The following TMEM184B variants were observed in gnomAD, a reference collection of about 807,000 sequenced individuals.
TMEM184B encodes the protein transmembrane protein 184B.
TMEM184B carries 17 observed loss-of-function variants against 41.8 expected under a neutral mutation model. The observed-to-expected ratio is 0.41, with a 90% CI of 0.28 to 0.61. The LOEUF is 0.61. Ranked by LOEUF, TMEM184B falls within the 20% of genes least tolerant of loss-of-function variation. TMEM184B has a pLI of 0.34. For synonymous variants in TMEM184B, 240 were observed against 229.5 expected (o/e 1.05, Z -0.41); for missense variants, 393 against 557.8 (o/e 0.70, Z 2.98).
At chr22:38,255,579 A>C (rs569947810) in intron 1 of TMEM184B, among the ~76,000 whole-genome samples, 1 of 152,362 alleles carries the variant, frequency 6.6e-6, no homozygotes, top group South Asian at 2.1e-4. Context: ...AAGCCTGTAC[A>C]CAAATGTTCA....
chr22:38,235,991 G>A (rs2091764175), intron 3 of TMEM184B, among the ~76,000 whole-genome samples: 3 of 152,206 alleles, frequency 2.0e-5, no homozygotes, highest in South Asian at 4.1e-4. Flanking sequence ...TACCACAGCT[G>A]GTGTGCCAGG....
At chr22:38,269,870 C>T (rs1416259413) in intron 1 of TMEM184B, among the ~76,000 whole-genome samples, 7 of 152,086 alleles carry the variant, frequency 4.6e-5, no homozygotes, top group South Asian at 2.1e-4. Context: ...GGTCTAAAAG[C>T]GATGCCAGGG....
chr22:38,247,611 A>G (rs564639955), intron 2 of TMEM184B, among the ~76,000 whole-genome samples, 159 bp downstream of exon 2: 9 of 152,316 alleles, frequency 5.9e-5, no homozygotes, highest in African/African-American at 1.9e-4. Flanking sequence ...AAAAACAAAC[A>G]AACAAACAAG....
At chr22:38,259,302 T>C (rs951485798) in intron 1 of TMEM184B, among the ~76,000 whole-genome samples, 2 of 152,112 alleles carry the variant, frequency 1.3e-5, no homozygotes, top group Non-Finnish European at 2.9e-5. Context: ...TGAAGAATAA[T>C]CCCCCAAAGA....
intron 5 of TMEM184B, among the ~76,000 whole-genome samples, chr22:38,230,422 G>A (rs1051772085): frequency 3.9e-5 from 6 of 152,204 alleles, no homozygotes; most frequent in African/African-American, 9.7e-5. Context: ...TTGGTCACAC[G>A]AGCAAGAGTC....
At chr22:38,218,551 T>G (rs1404906590), downstream of TMEM184B, among the ~76,000 whole-genome samples, 2 of 151,262 alleles carry the variant, frequency 1.3e-5, no homozygotes, top group African/African-American at 2.4e-5. Context: ...GCCCGCGGGG[T>G]AAGGGACCAG....
At chr22:38,246,611 C>T (rs536090704) in intron 2 of TMEM184B, 25 of 309,766 alleles carry the variant, frequency 8.1e-5, no homozygotes, top group African/African-American at 5.0e-4. Context: ...CGGGTGGACA[C>T]ACTTCCTGGC....
chr22:38,272,402 A>C (rs1602521861), intron 1 of TMEM184B: 1 of 876,572 alleles, frequency 1.1e-6, no homozygotes, highest in Non-Finnish European at 1.4e-6. Context: ...GCGGGCGTGT[A>C]CACCCTCCAC....
intron 1 of TMEM184B, among the ~76,000 whole-genome samples, chr22:38,262,239 A>C (rs760376987): frequency 2.0e-5 from 3 of 152,208 alleles, no homozygotes; most frequent in African/African-American, 4.8e-5. Context: ...GTGAGTGGTG[A>C]CTACCGGCGA....
At chr22:38,231,196 G>A in intron 4 of TMEM184B, 48 bp downstream of exon 4, 1 of 1,532,258 alleles carries the variant, frequency 6.5e-7, no homozygotes, top group Non-Finnish European at 9.0e-7. Context: ...GGTACACCAG[G>A]CCCAGGAAAC....
At position 38,221,190 on chromosome 22, in the gene TMEM184B, G is replaced by C; in HGVS notation, c.*279C>G. 7.7e-7 allele frequency: 1 copy of C among 1,295,400 alleles called. No homozygotes were observed. The highest frequency in any genetic ancestry group is 9.8e-7 in the Non-Finnish European group (1 of 1,020,514). 80.2% of individuals were successfully genotyped at this position (1,295,400 alleles called of 1,614,324 possible). On this transcript the variant is annotated 3_prime_UTR_variant, in exon 9 of 9. Transcript: ENST00000361906. ...TGCGGCTGGTCCCAGCATGCCCCCAGCACAGGACGGGCAGCAGGGGCATAA... is the reference window on the plus strand; with the variant it reads ...TGCGGCTGGTCCCAGCATGCCCCCACCACAGGACGGGCAGCAGGGGCATAA...
At chr22:38,257,532 C>T (rs765046773) in intron 1 of TMEM184B, among the ~76,000 whole-genome samples, 13 of 152,178 alleles carry the variant, frequency 8.5e-5, no homozygotes, top group East Asian at 1.9e-4. Flanking sequence ...TGAAGCCAGC[C>T]AGACCTTCCA....
chr22:38,257,538 T>C (rs1489434758), intron 1 of TMEM184B, among the ~76,000 whole-genome samples: 1 of 152,148 alleles, frequency 6.6e-6, no homozygotes, highest in Non-Finnish European at 1.5e-5. Flanking sequence ...CAGCCAGACC[T>C]TCCAAACTCT....
At chr22:38,240,932 G>A (rs1358773704) in intron 3 of TMEM184B, among the ~76,000 whole-genome samples, 1 of 152,116 alleles carries the variant, frequency 6.6e-6, no homozygotes, top group Non-Finnish European at 1.5e-5. Context: ...ATATACTAAA[G>A]ATATTTTCAG....
At chr22:38,257,116 G>T (rs949192630) in intron 1 of TMEM184B, among the ~76,000 whole-genome samples, 15 of 150,814 alleles carry the variant, frequency 9.9e-5, no homozygotes, top group African/African-American at 3.7e-4. Context: ...CAAGTAGCTG[G>T]TATTACTGGC....
rs1237675490 is a variant in TMEM184B at position 38,248,027 on chromosome 22, G to A, written c.-58-8C>T. 2.7e-6 allele frequency: 4 copies of A among 1,486,702 alleles called. No homozygotes were observed. The highest frequency in any genetic ancestry group is 2.7e-6 in the Non-Finnish European group (3 of 1,121,454). 92.1% of individuals were successfully genotyped at this position (1,486,702 alleles called of 1,614,324 possible). A position where few individuals can be genotyped will look rare whatever the true frequency, so the allele number is the denominator to read the frequency against. On this transcript the variant is annotated splice_polypyrimidine_tract_variant and splice_region_variant and intron_variant, in intron 1 of 8. Coordinates refer to ENST00000361906, the MANE Select transcript of TMEM184B (RefSeq NM_012264.5). ...AGAAAGTGACAAGCTAGCCTAGAGA[G>A]AAGAAATTGCAATGTGAGTCTCCTC...
chr22:38,257,936 C>T (rs2092309500), intron 1 of TMEM184B, among the ~76,000 whole-genome samples: 1 of 152,186 alleles, frequency 6.6e-6, no homozygotes, highest in African/African-American at 2.4e-5. Context: ...CTCTGCCTCT[C>T]TGTCCTTCCC....
At position 38,221,058 on chromosome 22, in the gene TMEM184B, G is replaced by T. The variant is rs1386726549; in HGVS notation, c.*411C>A. On this transcript the variant is annotated 3_prime_UTR_variant, in exon 9 of 9. Coordinates refer to ENST00000361906, the MANE Select transcript of TMEM184B (RefSeq NM_012264.5). ...GCCCAGGTCAGACAGGGTATTGCAC[G>T]GTGTGTGGGGGAGCCACGGCTTGCC... 2.9e-6 allele frequency: 3 copies of T among 1,039,760 alleles called. No homozygotes were observed. Among genetic ancestry groups the T allele is most frequent in the Non-Finnish European group, 3.5e-6 (3 of 864,080 alleles). 64.4% of individuals were successfully genotyped at this position (1,039,760 alleles called of 1,614,324 possible).
chr22:38,251,198 C>T (rs917855268), intron 1 of TMEM184B, among the ~76,000 whole-genome samples: 3 of 152,204 alleles, frequency 2.0e-5, no homozygotes, highest in Non-Finnish European at 4.4e-5. Flanking sequence ...ATGCTGGCCA[C>T]GTTTCTGCAC....
Sources: allele counts gnomAD v4.1 joint callset (sites outside exome capture counted in the v4.1 genomes callset), GRCh38; gene constraint gnomAD v4.1.1; transcripts MANE v1.5; gene names NCBI Gene and HGNC (gene_info 2026-07-23, HGNC 2026-07-21).